Variants in ASB3 observed in about 807,000 individuals in gnomAD.
The protein encoded by ASB3 is ankyrin repeat and SOCS box protein 3.
Under a neutral mutation model 54.5 loss-of-function variants are expected in ASB3, and 41 were observed. The ratio of observed to expected loss-of-function variants is 0.75; its 90% CI spans 0.59 to 0.98. ASB3 has a LOEUF of 0.98. ASB3 is among the 50% of genes least tolerant of loss of function. The pLI is 0.00. For synonymous variants in ASB3, 266 were observed against 221.2 expected, an observed-to-expected ratio of 1.20 and a Z score of -1.80; for missense variants, 733 against 620.0, an observed-to-expected ratio of 1.18 and a Z score of -1.94.
intron 1 of ASB3, chr2:53,771,943 G>T: frequency 6.6e-7 from 1 of 1,525,276 alleles, no homozygotes; most frequent in East Asian, 2.3e-5. Context: ...AGATCCTGCG[G>T]TATGGTATAA....
chr2:53,705,214 T>C (rs555098937), intron 7 of ASB3, among the ~76,000 whole-genome samples: 1 of 152,202 alleles, frequency 6.6e-6, no homozygotes, highest in African/African-American at 2.4e-5. Context: ...GCTAAAAATA[T>C]AGCATTTTCC....
intron 3 of ASB3, among the ~76,000 whole-genome samples, chr2:53,747,465 G>A (rs1427830630): frequency 6.6e-6 from 1 of 152,182 alleles, no homozygotes; most frequent in African/African-American, 2.4e-5. Flanking sequence ...AGAAACACTT[G>A]AACCCGGGAG....
intron 8 of ASB3, among the ~76,000 whole-genome samples, chr2:53,695,825 G>C (rs929800774): frequency 3.3e-5 from 5 of 152,100 alleles, no homozygotes; most frequent in African/African-American, 9.7e-5. Context: ...ACTTAGTCTT[G>C]CATTTAAATA....
intron 1 of ASB3, among the ~76,000 whole-genome samples, chr2:53,783,480 C>A (rs1488873297): frequency 6.6e-6 from 1 of 151,332 alleles, no homozygotes; most frequent in Non-Finnish European, 1.5e-5. Context: ...AAGAAAATTT[C>A]CCAGAAGTGA....
At chr2:53,723,323 G>T (rs1253954046) in intron 5 of ASB3, among the ~76,000 whole-genome samples, 1 of 152,046 alleles carries the variant, frequency 6.6e-6, no homozygotes, top group African/African-American at 2.4e-5. Flanking sequence ...CCTGTTAAAT[G>T]TCAGAGTTTT....
intron 3 of ASB3, chr2:53,748,146 A>T (rs1672327946): frequency 6.6e-6 from 1 of 152,212 alleles, no homozygotes; most frequent in Admixed American, 6.5e-5. Flanking sequence ...TAAAACACCC[A>T]CACAAGGCTT....
intron 1 of ASB3, chr2:53,774,016 C>A: frequency 9.3e-7 from 1 of 1,074,198 alleles, no homozygotes; most frequent in South Asian, 1.8e-5. Flanking sequence ...GCCTGGGCAA[C>A]AGACAAGACT....
chr2:53,706,028 A>G (rs764122354), intron 7 of ASB3, among the ~76,000 whole-genome samples: 4 of 152,200 alleles, frequency 2.6e-5, no homozygotes, highest in South Asian at 4.1e-4. Context: ...TTTTAAGACA[A>G]TAATTACAAA....
At chr2:53,735,094 A>T (rs1671547061) in intron 3 of ASB3, among the ~76,000 whole-genome samples, 2 of 151,796 alleles carry the variant, frequency 1.3e-5, no homozygotes, top group Non-Finnish European at 2.9e-5. Flanking sequence ...TAATTTTTGT[A>T]CTTTTAGTAG....
chr2:53,782,839 T>G (rs1393967687), intron 1 of ASB3, among the ~76,000 whole-genome samples: 1 of 151,924 alleles, frequency 6.6e-6, no homozygotes, highest in Non-Finnish European at 1.5e-5. Flanking sequence ...CAGGCTGGAG[T>G]GCAATGGCGC....
At chr2:53,755,389 C>T (rs1017721281) in intron 2 of ASB3, among the ~76,000 whole-genome samples, 5 of 152,246 alleles carry the variant, frequency 3.3e-5, no homozygotes, top group South Asian at 4.1e-4. Flanking sequence ...GGTGATAGAC[C>T]GTTCTTTTTG....
chr2:53,745,420 G>T (rs1219359298), intron 3 of ASB3, among the ~76,000 whole-genome samples: 1 of 152,154 alleles, frequency 6.6e-6, no homozygotes, highest in Non-Finnish European at 1.5e-5. Context: ...GATTCCTACT[G>T]CCATTAAGTT....
intron 1 of ASB3, chr2:53,774,811 A>C (rs1033782465): frequency 8.1e-6 from 2 of 248,120 alleles, no homozygotes; most frequent in Non-Finnish European, 1.5e-5. Flanking sequence ...TTTTTATCAG[A>C]GTGATAATCA....
Position 53,670,251 on chromosome 2 carries a change from G to T in ASB3, c.*252C>A. The T allele has an allele frequency of 2.9e-6, 1 of 347,490 alleles. No homozygotes were observed. 21.5% of individuals were successfully genotyped at this position (347,490 alleles called of 1,614,324 possible). A position where few individuals can be genotyped will look rare whatever the true frequency, so the allele number is the denominator to read the frequency against. On this transcript the variant is annotated 3_prime_UTR_variant, in exon 10 of 10. Coordinates refer to ENST00000263634, the MANE Select transcript of ASB3 (RefSeq NM_016115.5). The stretch of plus-strand genomic sequence containing the variant: ...TAAATATTACAACATATAATGTACT[G>T]GTGATGAAGCTGCAATAAAGTAATA...
intron 9 of ASB3, among the ~76,000 whole-genome samples, chr2:53,691,452 T>C (rs1034475314): frequency 1.3e-5 from 2 of 152,014 alleles, no homozygotes; most frequent in Non-Finnish European, 2.9e-5. Context: ...CAAAAAAAAA[T>C]TTTTAAATAT....
In ASB3 at chr2:53,700,235, A is replaced by C. The variant is rs1166800444; in HGVS notation, c.1238+36T>G. 3.1e-6 allele frequency: 5 copies of C among 1,588,744 alleles called. No homozygotes were observed. In the Admixed American group the frequency reaches 8.9e-5, roughly 28 times the overall value. ...GAAATTAAAGGTAGTATATTCACTC[A>C]AAAAGGGTAAGCCCGACTATGGTAG... is the stretch of plus-strand genomic sequence containing the variant. On this transcript the variant is annotated intron_variant, in intron 8 of 9. Coordinates refer to ENST00000263634, the MANE Select transcript of ASB3 (RefSeq NM_016115.5).
At chr2:53,704,115 C>T (rs1251355342) in intron 7 of ASB3, among the ~76,000 whole-genome samples, 1 of 151,938 alleles carries the variant, frequency 6.6e-6, no homozygotes, top group East Asian at 1.9e-4. Flanking sequence ...TGTAATCCCA[C>T]ACCAAAAAGC....
chr2:53,742,431 C>A (rs1336382006), intron 3 of ASB3, among the ~76,000 whole-genome samples: 1 of 151,924 alleles, frequency 6.6e-6, no homozygotes, highest in Non-Finnish European at 1.5e-5. Flanking sequence ...AAACAATAGA[C>A]CAACAACAAA....
At chr2:53,697,892 G>A (rs1396473688) in intron 8 of ASB3, among the ~76,000 whole-genome samples, 1 of 152,178 alleles carries the variant, frequency 6.6e-6, no homozygotes, top group East Asian at 1.9e-4. Context: ...CTATGGCTTT[G>A]CTCAGACTTC....
Sources: allele counts gnomAD v4.1 joint callset (sites outside exome capture counted in the v4.1 genomes callset), GRCh38; gene constraint gnomAD v4.1.1; transcripts MANE v1.5; gene names NCBI Gene and HGNC (gene_info 2026-07-23, HGNC 2026-07-21).